The following KALRN variants were observed in gnomAD, a reference collection of about 807,000 sequenced individuals.
KALRN encodes kalirin.
Under a neutral mutation model 353.7 loss-of-function variants are expected in KALRN, and 70 were observed. The ratio of observed to expected loss-of-function variants is 0.20; its 90% CI spans 0.16 to 0.24. KALRN has a LOEUF of 0.24. Among genes scored for constraint, KALRN ranks in the 10% least tolerant of loss-of-function variants. The pLI, the probability that KALRN is intolerant of heterozygous loss-of-function variation, is 1.00. For missense variants in KALRN, 2,791 were observed against 3,756.7 expected (o/e 0.74, Z 6.72); for synonymous variants, 1,391 against 1,434.8 (o/e 0.97, Z 0.69).
intron 33 of KALRN, among the ~76,000 whole-genome samples, chr3:124,547,545 A>G (rs573355448): frequency 5.9e-5 from 9 of 152,232 alleles, no homozygotes; most frequent in African/African-American, 2.2e-4. Flanking sequence ...GCCTGAAGCA[A>G]TCCTCCTGCC....
intron 31 of KALRN, among the ~76,000 whole-genome samples, 177 bp from the exon 32 acceptor site, chr3:124,492,563 G>C (rs982416189): frequency 2.0e-5 from 3 of 152,198 alleles, no homozygotes; most frequent in Non-Finnish European, 4.4e-5. Flanking sequence ...ACTGTTCTGG[G>C]AGTTGGAGAA....
At chr3:124,211,250 C>T (rs550071944) in intron 1 of KALRN, among the ~76,000 whole-genome samples, 1 of 152,302 alleles carries the variant, frequency 6.6e-6, no homozygotes, top group Admixed American at 6.5e-5. Context: ...ATGTTACTTA[C>T]ATTTTGCAGA....
chr3:124,091,769 A>G (rs764055051), intron 1 of KALRN, among the ~76,000 whole-genome samples: 4 of 152,162 alleles, frequency 2.6e-5, no homozygotes, highest in Non-Finnish European at 4.4e-5. Flanking sequence ...TGCTTTGACC[A>G]TGATGAAAGA....
rs985922158 is a variant in KALRN at position 124,127,050 on chromosome 3, G to C, written c.73+93237G>C. ...GACCCCTGGTTCGATAATGACAGGAGCCCCAAGCTGCCAGGATGGGTACTT... is the reference window on the plus strand; with the variant it reads ...GACCCCTGGTTCGATAATGACAGGACCCCCAAGCTGCCAGGATGGGTACTT... On this transcript the variant is annotated intron_variant, in intron 1 of 59. Transcript: ENST00000682506. 8.5e-5 allele frequency among the ~76,000 whole-genome samples: 13 copies of C among 152,198 alleles called. 1 individual carries two copies. Among genetic ancestry groups the C allele is most frequent in the African/African-American group, 3.1e-4 (13 of 41,444 alleles).
At position 124,553,056 on chromosome 3, in the gene KALRN, G is replaced by A. The variant is rs577870918; in HGVS notation, c.4936-9787G>A. On this transcript the variant is annotated intron_variant, in intron 33 of 59. Transcript: ENST00000682506. ...GCTAGGATTACAGGCGTGAGCCACC[G>A]CGCCCAGCCCTGGAAATGGATTTCT... Among the ~76,000 whole-genome samples, 105 of 152,254 alleles carry A rather than the reference G, an allele frequency of 6.9e-4. No homozygotes were observed. The Middle Eastern group carries it at 0.014, about 20-fold the overall frequency.
chr3:124,080,690 A>G (rs1430258694), intron 1 of KALRN, among the ~76,000 whole-genome samples: 1 of 152,228 alleles, frequency 6.6e-6, no homozygotes, highest in Non-Finnish European at 1.5e-5. Flanking sequence ...TCTCTAGGGT[A>G]GATACAAAAG....
intron 10 of KALRN, among the ~76,000 whole-genome samples, chr3:124,359,276 A>G (rs2083758492): frequency 6.6e-6 from 1 of 152,166 alleles, no homozygotes. Flanking sequence ...TCTTTGCTGA[A>G]GCTTGGCCTA....
Position 124,719,302 on chromosome 3 carries a change from A to T in KALRN, c.8793A>T (p.Thr2931=). The change falls in exon 60 of 60, where the codon ACA becomes ACT. Residue 2931 remains threonine, a synonymous_variant. Coordinates refer to ENST00000682506, the MANE Select transcript of KALRN (RefSeq NM_001388419.1). The surrounding 1 kb of genome is among the most constrained non-coding windows in gnomAD (Gnocchi z 5.3). Reference sequence around the variant, plus strand: ...TTCGGAGGCGGCCCACAGCAGCCACATGCTTGCAGCATCCATGGCTGCAGC... The same window carrying T: ...TTCGGAGGCGGCCCACAGCAGCCACTTGCTTGCAGCATCCATGGCTGCAGC... ...EDFRRRPTAA[T]CLQHPWLQPH... is the part of the protein sequence containing the mutation. 6.2e-7 allele frequency: 1 copy of T among 1,614,254 alleles called. No homozygotes were observed. Among genetic ancestry groups the T allele is most frequent in the Middle Eastern group, 1.6e-4 (1 of 6,062 alleles).
rs183969924 is a variant in KALRN, at chr3:124,318,175, A to G, written c.1093-7805A>G. On this transcript the variant is annotated intron_variant, in intron 6 of 59. Coordinates refer to ENST00000682506, the MANE Select transcript of KALRN (RefSeq NM_001388419.1). ...CCAGAGGGACAGGACTCGTGAGCCA[A>G]TGTTATCTTTGCTGGGCACTGGGGC... is the stretch of plus-strand genomic sequence containing the variant. 1.7e-4 allele frequency among the ~76,000 whole-genome samples: 26 copies of G among 152,274 alleles called. No homozygotes were observed. In the East Asian group the frequency reaches 3.7e-3, roughly 22 times the overall value.
At chr3:124,298,365 G>A (rs1448690673) in intron 5 of KALRN, among the ~76,000 whole-genome samples, 2 of 152,176 alleles carry the variant, frequency 1.3e-5, no homozygotes, top group East Asian at 3.9e-4. Flanking sequence ...CAGTGTATAA[G>A]GGGGGCAGAG....
At position 124,655,517 on chromosome 3, in the gene KALRN, A is replaced by G. The variant is rs2083910991; in HGVS notation, c.5796-84A>G. 1.7e-5 allele frequency: 19 copies of G among 1,091,300 alleles called. No homozygotes were observed. The South Asian group carries it at 2.3e-4, about 13-fold the overall frequency. The allele number at this position is 1,091,300 out of a possible 1,614,324, so 67.6% of individuals were successfully genotyped here. ...TAAGGGGTCTTGTTATAAAGGTGCCAAAGTAACTTTTCTGTGAACTTAAGT... is the reference window on the plus strand; with the variant it reads ...TAAGGGGTCTTGTTATAAAGGTGCCGAAGTAACTTTTCTGTGAACTTAAGT... On this transcript the variant is annotated intron_variant, in intron 38 of 59. Coordinates refer to ENST00000682506, the MANE Select transcript of KALRN (RefSeq NM_001388419.1).
chr3:124,663,336 G>GT (rs1191870432), intron 45 of KALRN, among the ~76,000 whole-genome samples: 1 of 152,164 alleles, frequency 6.6e-6, no homozygotes. Flanking sequence ...CCTCTGTAAA[G>GT]ACCCCATTTC....
At chr3:124,406,318 A>G (rs939858370) in intron 13 of KALRN, among the ~76,000 whole-genome samples, 5 of 152,242 alleles carry the variant, frequency 3.3e-5, no homozygotes, top group African/African-American at 9.6e-5. Flanking sequence ...GTAAGAATTG[A>G]TTAGCAGAGA....
intron 37 of KALRN, among the ~76,000 whole-genome samples, chr3:124,647,476 A>G (rs1158610257): frequency 1.3e-5 from 2 of 152,044 alleles, no homozygotes; most frequent in African/African-American, 2.4e-5. Context: ...ATGTCCTCCC[A>G]TTGGCATATC....
chr3:124,635,652 T>C (rs1230952162), intron 36 of KALRN, among the ~76,000 whole-genome samples: 1 of 152,200 alleles, frequency 6.6e-6, no homozygotes, highest in Non-Finnish European at 1.5e-5. Context: ...TTTTTAAAAG[T>C]TCACCGTTGT....
chr3:124,452,353 A>G (rs2058869664), intron 21 of KALRN, among the ~76,000 whole-genome samples: 1 of 152,230 alleles, frequency 6.6e-6, no homozygotes, highest in African/African-American at 2.4e-5. Context: ...TGGTATGCTT[A>G]CTATTTTCTA....
intron 33 of KALRN, among the ~76,000 whole-genome samples, chr3:124,546,132 T>C (rs551460389): frequency 6.6e-6 from 1 of 152,222 alleles, no homozygotes; most frequent in African/African-American, 2.4e-5. Flanking sequence ...ATTGTCCTTT[T>C]TGTTGACAAC....
chr3:124,508,846 G>T (rs537467711), intron 33 of KALRN, among the ~76,000 whole-genome samples: 3 of 152,120 alleles, frequency 2.0e-5, no homozygotes, highest in Admixed American at 6.5e-5. Context: ...AATTTTTACA[G>T]ATCTGGTGGA....
intron 1 of KALRN, among the ~76,000 whole-genome samples, chr3:124,106,109 G>C (rs1045160981): frequency 2.0e-5 from 3 of 152,192 alleles, no homozygotes; most frequent in African/African-American, 7.2e-5. Context: ...GTGCTCTAAA[G>C]TGAAGCAGTG....
Sources: allele counts gnomAD v4.1 joint callset (sites outside exome capture counted in the v4.1 genomes callset), GRCh38; gene constraint gnomAD v4.1.1; non-coding constraint Gnocchi (gnomAD v3.1); transcripts MANE v1.5; gene names NCBI Gene and HGNC (gene_info 2026-07-23, HGNC 2026-07-21).